The following BIRC6 variants were observed in gnomAD, a reference collection of about 807,000 sequenced individuals.
The protein encoded by BIRC6 is baculoviral IAP repeat containing 6.
BIRC6 carries 98 observed loss-of-function variants against 503.3 expected under a neutral mutation model. That is an observed-to-expected ratio of 0.19 (90% CI 0.17 to 0.23). The LOEUF (loss-of-function observed/expected upper bound fraction) is 0.23, where lower values mean the gene tolerates loss of function less well. Ranked by LOEUF, BIRC6 falls within the 10% of genes least tolerant of loss-of-function variation. The pLI is 1.00. For missense variants in BIRC6, 5,360 were observed against 5,806.0 expected, an observed-to-expected ratio of 0.92 and a Z score of 2.50; for synonymous variants, 2,240 against 2,078.7, an observed-to-expected ratio of 1.08 and a Z score of -2.11.
intron 57 of BIRC6, chr2:32,522,948 T>C (rs796104623): frequency 2.4e-4 from 36 of 152,344 alleles, no homozygotes; most frequent in African/African-American, 8.2e-4. Flanking sequence ...GGGTGACAAC[T>C]AGGTTGTGCT....
Position 32,441,445 on chromosome 2 carries a change from C to T in BIRC6, c.3927C>T (p.Thr1309=), listed in dbSNP as rs755444116. The T allele has an allele frequency of 1.2e-6, 2 of 1,609,210 alleles. No homozygotes were observed. Among genetic ancestry groups the T allele is most frequent in the South Asian group, 1.1e-5 (1 of 90,336 alleles). The part of the protein sequence containing the change: ...VSVTIRRFKK[T]SISKERVQRC... ...TCACCATTCGAAGATTTAAGAAAAC[C>T]TCAATTTCTAAGGAAAGGTAATTTC... is the stretch of plus-strand genomic sequence containing the variant. Residue 1309 remains threonine, a synonymous_variant, in exon 17 of 74, where the codon ACC becomes ACT. Transcript: ENST00000421745.
In BIRC6 at chr2:32,500,606, G is replaced by GTT. The variant is rs758919928; in HGVS notation, c.9031+513_9031+514dup. 7.0e-3 allele frequency among the ~76,000 whole-genome samples: 826 copies of GTT among 118,256 alleles called. 16 individuals are homozygous for GTT. Among genetic ancestry groups the GTT allele is most frequent in the East Asian group, 0.021 (88 of 4,096 alleles). The allele number at this position is 118,256 out of a possible 152,430, so 77.6% of individuals were successfully genotyped here. A position where few individuals can be genotyped will look rare whatever the true frequency, so the allele number is the denominator to read the frequency against. On this transcript the variant is annotated intron_variant, in intron 46 of 73. Transcript: ENST00000421745. ...CTGCTAGTTTTTTGTTTTTGTTTTTGTTTTTTTTTTTTTTTTTGAGATGAA... is the reference window on the plus strand; with the variant it reads ...CTGCTAGTTTTTTGTTTTTGTTTTTGTTTTTTTTTTTTTTTTTTTGAGATGAA...
At chr2:32,360,649 T>C (rs1235615365) in intron 1 of BIRC6, among the ~76,000 whole-genome samples, 1 of 152,230 alleles carries the variant, frequency 6.6e-6, no homozygotes, top group Admixed American at 6.5e-5. Flanking sequence ...CCTGATCCCT[T>C]TAGCCAGAAA....
At chr2:32,410,534 T>A (rs1356425819) in intron 9 of BIRC6, among the ~76,000 whole-genome samples, 1 of 152,186 alleles carries the variant, frequency 6.6e-6, no homozygotes, top group African/African-American at 2.4e-5. Flanking sequence ...GTAGTAGTCA[T>A]GTTATGTGAA....
At chr2:32,452,401 C>G (rs559707328) in intron 22 of BIRC6, among the ~76,000 whole-genome samples, 1 of 152,074 alleles carries the variant, frequency 6.6e-6, no homozygotes, top group African/African-American at 2.4e-5. Flanking sequence ...AAATTTCACA[C>G]CTTGAAATTT....
At chr2:32,418,488 C>G (rs934028389) in intron 10 of BIRC6, among the ~76,000 whole-genome samples, 1 of 152,202 alleles carries the variant, frequency 6.6e-6, no homozygotes, top group Non-Finnish European at 1.5e-5. Context: ...TGGCATTATA[C>G]TGCCATAATA....
chr2:32,489,938 A>T, intron 42 of BIRC6, 103 bp from the exon 43 acceptor site: 1 of 777,368 alleles, frequency 1.3e-6, no homozygotes, highest in South Asian at 1.7e-5. Context: ...TAAGGAGCGG[A>T]TTTAAAGAAA....
chr2:32,473,090 A>T, intron 32 of BIRC6, 22 bp from the exon 33 acceptor site: 1 of 1,541,240 alleles, frequency 6.5e-7, no homozygotes, highest in East Asian at 2.3e-5. Flanking sequence ...AATTATTAAT[A>T]CAAGTTTTCC....
At chr2:32,405,193 C>G (rs2149802980) in intron 8 of BIRC6, among the ~76,000 whole-genome samples, 1 of 152,214 alleles carries the variant, frequency 6.6e-6, no homozygotes, top group Admixed American at 6.5e-5. Flanking sequence ...CTTCTTCATT[C>G]TTGATAATTC....
At position 32,593,911 on chromosome 2, in the gene BIRC6, T is replaced by G. The variant is rs946029473; in HGVS notation, c.13356-4T>G. On this transcript the variant is annotated splice_polypyrimidine_tract_variant and splice_region_variant and intron_variant, in intron 66 of 73. Transcript: ENST00000421745. ...GCTTTTCTTTCCATATTAAAAAAAT[T>G]CAGATCTAAAAGGGAAAATGTTAAA... 1 of 1,604,064 alleles carries G rather than the reference T, an allele frequency of 6.2e-7. No individual in the cohort carries two copies.
chr2:32,500,600 G>GTTTTTTTTTTTTTTT (rs1169227018), intron 46 of BIRC6, among the ~76,000 whole-genome samples: 1 of 103,046 alleles, frequency 9.7e-6, no homozygotes, highest in Non-Finnish European at 2.1e-5. Flanking sequence ...TTTTGTTTTT[G>GTTTTTTTTTTTTTTT]TTTTTGTTTT....
At chr2:32,605,488 AGAAGAGGACAATTATTTAAGAGG>A (rs1164592987) in intron 71 of BIRC6, among the ~76,000 whole-genome samples, 1 of 152,182 alleles carries the variant, frequency 6.6e-6, no homozygotes, top group Non-Finnish European at 1.5e-5. Context: ...TTATATTAAC[AGAAGAGGACAATTATTTAAGAGG>A]GAAGAGGACA....
At chr2:32,473,049 A>G in intron 32 of BIRC6, 63 bp from the exon 33 acceptor site, 1 of 1,396,930 alleles carries the variant, frequency 7.2e-7, no homozygotes, top group East Asian at 2.5e-5. Flanking sequence ...TTTTCTGGGT[A>G]GGAAAGGTAC....
In BIRC6 at chr2:32,492,968, T is replaced by G. The variant is rs117028001; in HGVS notation, c.8341-572T>G. Reference sequence around the variant, plus strand: ...CACACTTCTACCTCAGGTTACTTAATGTAGTGTTCACTATCATTTCTTTCA... The same window carrying G: ...CACACTTCTACCTCAGGTTACTTAAGGTAGTGTTCACTATCATTTCTTTCA... On this transcript the variant is annotated intron_variant, in intron 44 of 73. Coordinates refer to ENST00000421745, the MANE Select transcript of BIRC6 (RefSeq NM_016252.4). 1.0e-3 allele frequency among the ~76,000 whole-genome samples: 152 copies of G among 151,962 alleles called. 1 individual carries two copies. The East Asian group carries it at 0.027, about 27-fold the overall frequency.
At chr2:32,531,626 A>G (rs1388620941) in intron 61 of BIRC6, 75 bp downstream of exon 61, 2 of 1,262,998 alleles carry the variant, frequency 1.6e-6, no homozygotes, top group Non-Finnish European at 2.2e-6. Context: ...TTGTTTTTTA[A>G]TGTACTTGGA....
chr2:32,532,324 T>C, intron 61 of BIRC6: 1 of 457,796 alleles, frequency 2.2e-6, no homozygotes, highest in Non-Finnish European at 4.5e-6. Flanking sequence ...AGGGCCATGC[T>C]CCCTCTGAAT....
At chr2:32,424,917 C>A (rs1178267040) in intron 10 of BIRC6, among the ~76,000 whole-genome samples, 1 of 152,102 alleles carries the variant, frequency 6.6e-6, no homozygotes, top group Non-Finnish European at 1.5e-5. Context: ...TACATCCTGG[C>A]CAACATTTGT....
chr2:32,607,908 G>GT (rs1411290159), intron 72 of BIRC6, among the ~76,000 whole-genome samples: 5 of 126,262 alleles, frequency 4.0e-5, no homozygotes, highest in African/African-American at 6.0e-5. Context: ...GGAGGCGGAA[G>GT]TTGCAGAGAG....
At position 32,502,406 on chromosome 2, in the gene BIRC6, A is replaced by C. The variant is rs372026179; in HGVS notation, c.9208-389A>C. On this transcript the variant is annotated intron_variant, in intron 47 of 73. Coordinates refer to ENST00000421745, the MANE Select transcript of BIRC6 (RefSeq NM_016252.4). ...TTGTCCATTTCCCATTTTGAAATGC[A>C]GATATTAGAACAGTTTCTTATGTCT... is the stretch of plus-strand genomic sequence containing the variant. 5.3e-5 allele frequency among the ~76,000 whole-genome samples: 8 copies of C among 152,298 alleles called. No individual in the cohort carries two copies. The South Asian group carries it at 8.3e-4, about 16-fold the overall frequency.
Sources: gnomAD v4.1 joint callset for allele counts (sites outside exome capture counted in the v4.1 genomes callset) on GRCh38, gnomAD v4.1.1 for gene constraint, MANE v1.5 for transcripts, NCBI Gene and HGNC (gene_info 2026-07-23, HGNC 2026-07-21) for gene names.